Variants in RHPN2 observed in about 807,000 individuals in gnomAD.
RHPN2 encodes rhophilin-2.
Under a neutral mutation model 79.0 loss-of-function variants are expected in RHPN2, and 40 were observed. The observed-to-expected ratio is 0.51, with a 90% confidence interval of 0.39 to 0.66. The LOEUF (loss-of-function observed/expected upper bound fraction) is 0.66, where lower values mean the gene tolerates loss of function less well. Among genes scored for constraint, RHPN2 ranks in the 30% least tolerant of loss-of-function variants. RHPN2 has a pLI of 0.00. For missense variants in RHPN2, 686 were observed against 883.5 expected (o/e 0.78, Z 2.83); for synonymous variants, 285 against 363.5 (o/e 0.78, Z 2.46).
intron 1 of RHPN2, among the ~76,000 whole-genome samples, chr19:33,050,306 AAGC>A (rs1972176473): frequency 6.6e-6 from 1 of 152,220 alleles, no homozygotes; most frequent in Non-Finnish European, 1.5e-5. Flanking sequence ...GCCCTGGATC[AAGC>A]TAGGCCTGAA....
chr19:33,062,435 C>T (rs939300143), intron 1 of RHPN2, among the ~76,000 whole-genome samples: 3 of 151,332 alleles, frequency 2.0e-5, no homozygotes, highest in African/African-American at 7.3e-5. Context: ...GCACTCCAGC[C>T]TGGGTGACAG....
intron 14 of RHPN2, among the ~76,000 whole-genome samples, chr19:32,984,429 C>T (rs1450106570): frequency 2.0e-5 from 3 of 152,054 alleles, no homozygotes; most frequent in East Asian, 1.9e-4. Flanking sequence ...GAGGCCAAGG[C>T]GGGCCAATCA....
At chr19:33,046,700 G>A (rs541464702) in intron 1 of RHPN2, among the ~76,000 whole-genome samples, 12 of 152,292 alleles carry the variant, frequency 7.9e-5, no homozygotes, top group Non-Finnish European at 1.6e-4. Context: ...ACAGGTGCTG[G>A]TCTATCTTTT....
intron 1 of RHPN2, among the ~76,000 whole-genome samples, chr19:33,062,389 T>C: frequency 6.6e-6 from 1 of 151,140 alleles, no homozygotes. Flanking sequence ...TTGAAACTGG[T>C]AGATGGAGGT....
Position 33,002,948 on chromosome 19 carries a change from C to T in RHPN2, c.813G>A (p.Met271Ile), listed in dbSNP as rs144886888. Residue 271 changes from methionine (M) to isoleucine (I), a missense_variant, in exon 8 of 15, where the codon ATG becomes ATA. Physicochemically the swap from Met to Ile is conservative, Grantham distance 10. Coordinates refer to ENST00000254260, the MANE Select transcript of RHPN2 (RefSeq NM_033103.5). ...DTFTHTPSYDMSPAMLSVLVK... is the reference protein window; with the variant it reads ...DTFTHTPSYDISPAMLSVLVK... ...CGAGCACGCTGAGCATGGCAGGGCT[C>T]ATGTCGTAACTTGGAGTATGGGTAA... 3.9e-5 allele frequency: 63 copies of T among 1,613,824 alleles called. No individual in the cohort carries two copies. The highest frequency in any genetic ancestry group is 5.0e-5 in the Non-Finnish European group (59 of 1,179,872).
chr19:32,988,956 AGAGT>A (rs1156631283), intron 14 of RHPN2, among the ~76,000 whole-genome samples: 2 of 152,192 alleles, frequency 1.3e-5, no homozygotes, highest in Admixed American at 6.6e-5. Context: ...GACACCTAAG[AGAGT>A]GTCTGGCACC....
intron 2 of RHPN2, among the ~76,000 whole-genome samples, chr19:33,027,474 G>A (rs951148996): frequency 1.3e-5 from 2 of 151,612 alleles, no homozygotes; most frequent in African/African-American, 4.8e-5. Flanking sequence ...CAGCCTGGGT[G>A]ACAGAGCAAG....
chr19:32,997,513 G>T (rs1440205219), intron 10 of RHPN2, among the ~76,000 whole-genome samples: 1 of 151,458 alleles, frequency 6.6e-6, no homozygotes. Flanking sequence ...TTCTTGAGAC[G>T]GAGTCTTGCT....
Position 33,029,302 on chromosome 19 carries a change from G to A in RHPN2, c.186-2670C>T, listed in dbSNP as rs150918719. Among the ~76,000 whole-genome samples the A allele has an allele frequency of 8.6e-5, 13 of 151,804 alleles. 1 individual carries two copies. Among genetic ancestry groups the A allele is most frequent in the African/African-American group, 2.4e-4 (10 of 41,404 alleles). The stretch of plus-strand genomic sequence containing the variant: ...AGCACTTTGGGAGGCCGAGACGGAC[G>A]GATCACGAGGTCAGGAGATCGAGAC... On this transcript the variant is annotated intron_variant, in intron 2 of 14. Transcript: ENST00000254260.
intron 14 of RHPN2, among the ~76,000 whole-genome samples, chr19:32,983,054 C>CACACACACACACACA (rs1971586615): frequency 1.6e-5 from 1 of 61,642 alleles, no homozygotes; most frequent in Non-Finnish European, 3.2e-5. Flanking sequence ...TCCCAGATCT[C>CACACACACACACACA]TACACACACA....
At chr19:32,994,115 G>C (rs1229690939) in intron 11 of RHPN2, 62 bp from the exon 12 acceptor site, 4 of 1,227,128 alleles carry the variant, frequency 3.3e-6, no homozygotes, top group Non-Finnish European at 4.8e-6. Context: ...GATCCTAATA[G>C]TCCAGTGTTG....
At chr19:33,008,701 C>CG (rs2145236074) in intron 6 of RHPN2, among the ~76,000 whole-genome samples, 2 of 152,018 alleles carry the variant, frequency 1.3e-5, no homozygotes, top group African/African-American at 4.8e-5. Flanking sequence ...ACCCGAGAGG[C>CG]GGAGGTTGCA....
intron 7 of RHPN2, among the ~76,000 whole-genome samples, chr19:33,005,950 A>G (rs985065483): frequency 2.0e-5 from 3 of 151,886 alleles, no homozygotes; most frequent in African/African-American, 7.3e-5. Context: ...CTGGAGTGCA[A>G]TGGCGCGATC....
intron 1 of RHPN2, among the ~76,000 whole-genome samples, chr19:33,062,750 AGAGT>A (rs1397198332): frequency 6.7e-6 from 1 of 148,282 alleles, no homozygotes; most frequent in Non-Finnish European, 1.5e-5. Context: ...CCTGAGCGAC[AGAGT>A]GAGACTCTGT....
chr19:33,032,874 A>G (rs546883965), intron 2 of RHPN2, among the ~76,000 whole-genome samples: 1 of 152,152 alleles, frequency 6.6e-6, no homozygotes, highest in Non-Finnish European at 1.5e-5. Flanking sequence ...GGAAGCTCAG[A>G]GACAAACCAT....
chr19:33,021,414 T>C (rs918458953), intron 4 of RHPN2, among the ~76,000 whole-genome samples, 157 bp downstream of exon 4: 5 of 152,114 alleles, frequency 3.3e-5, no homozygotes, highest in African/African-American at 1.2e-4. Flanking sequence ...TGGAGTGCAG[T>C]TGTATGATCA....
At chr19:33,028,696 G>A (rs1378981770) in intron 2 of RHPN2, among the ~76,000 whole-genome samples, 2 of 152,100 alleles carry the variant, frequency 1.3e-5, no homozygotes, top group Non-Finnish European at 2.9e-5. Flanking sequence ...TTCATTCAAT[G>A]CAACCTCAAT....
intron 2 of RHPN2, among the ~76,000 whole-genome samples, chr19:33,028,225 T>C (rs1178636198): frequency 2.6e-5 from 4 of 151,788 alleles, no homozygotes; most frequent in Non-Finnish European, 5.9e-5. Flanking sequence ...GTCACCATTA[T>C]GGCTTACTAC....
intron 2 of RHPN2, among the ~76,000 whole-genome samples, chr19:33,040,838 C>T (rs1489876165): frequency 6.6e-6 from 1 of 152,054 alleles, no homozygotes; most frequent in Non-Finnish European, 1.5e-5. Flanking sequence ...CCTATAATCC[C>T]AGCTACTCGG....
Sources: allele counts gnomAD v4.1 joint callset (sites outside exome capture counted in the v4.1 genomes callset), GRCh38; gene constraint gnomAD v4.1.1; transcripts MANE v1.5; gene names NCBI Gene and HGNC (gene_info 2026-07-23, HGNC 2026-07-21).